ZBTB20: variants seen among roughly 807,000 people sequenced by gnomAD.
The protein encoded by ZBTB20 is zinc finger and BTB domain containing 20, also known as zinc finger and BTB domain-containing protein 20.
ZBTB20 carries 9 observed loss-of-function variants against 56.9 expected under a neutral mutation model. The ratio of observed to expected loss-of-function variants is 0.16; its 90% CI spans 0.10 to 0.28. The LOEUF (loss-of-function observed/expected upper bound fraction) is 0.28, where lower values mean the gene tolerates loss of function less well. Ranked by LOEUF, ZBTB20 falls within the 10% of genes least tolerant of loss-of-function variation. The probability of loss-of-function intolerance (pLI) is 1.00; values close to 1 mark genes in which losing one functional copy is unlikely to be tolerated. For missense variants in ZBTB20, 655 were observed against 1,003.0 expected (o/e 0.65, Z 4.69); for synonymous variants, 417 against 420.7 (o/e 0.99, Z 0.11).
intron 7 of ZBTB20, among the ~76,000 whole-genome samples, chr3:114,424,720 G>C (rs943284544): frequency 2.6e-5 from 4 of 152,062 alleles, no homozygotes; most frequent in South Asian, 2.1e-4. Context: ...TCAAGTTTAC[G>C]GTCTTTACTT....
intron 1 of ZBTB20, among the ~76,000 whole-genome samples, chr3:115,097,046 A>G (rs1189001361): frequency 6.6e-6 from 1 of 152,238 alleles, no homozygotes; most frequent in Non-Finnish European, 1.5e-5. Context: ...AAAATCCAAT[A>G]AATCACTATA....
intron 3 of ZBTB20, among the ~76,000 whole-genome samples, chr3:114,928,487 T>C (rs953816927): frequency 2.0e-5 from 3 of 152,256 alleles, no homozygotes; most frequent in African/African-American, 7.2e-5. Flanking sequence ...ATGGAAAGAT[T>C]CTTGTTTAAT....
At chr3:115,105,492 C>G (rs924211147) in intron 1 of ZBTB20, among the ~76,000 whole-genome samples, 1 of 152,148 alleles carries the variant, frequency 6.6e-6, no homozygotes, top group East Asian at 1.9e-4. Context: ...AGCCATGACT[C>G]TGTGGTTGTG....
intron 4 of ZBTB20, among the ~76,000 whole-genome samples, chr3:114,808,670 T>C (rs1326993494): frequency 6.6e-6 from 1 of 151,986 alleles, no homozygotes; most frequent in Non-Finnish European, 1.5e-5. Context: ...TCATTATCTA[T>C]TTCATTGATT....
chr3:114,461,673 T>C (rs2092337234), intron 7 of ZBTB20, among the ~76,000 whole-genome samples: 1 of 152,200 alleles, frequency 6.6e-6, no homozygotes, highest in South Asian at 2.1e-4. Flanking sequence ...GCTTACATTC[T>C]ATAGGATAGT....
At chr3:114,866,656 ACT>A (rs1282706065) in intron 4 of ZBTB20, among the ~76,000 whole-genome samples, 2 of 151,846 alleles carry the variant, frequency 1.3e-5, no homozygotes, top group African/African-American at 4.8e-5. Context: ...AAAAAGGCTG[ACT>A]CTCTCACAGG....
rs1211248757 is a variant in ZBTB20 at position 114,335,641 on chromosome 3, C to T, written c.*3364G>A. The stretch of plus-strand genomic sequence containing the variant: ...CTCCAATCCAGCTTCTTCCTCTTTC[C>T]ACAAAATAATTTGTCAACTATTTTA... On this transcript the variant is annotated 3_prime_UTR_variant, in exon 12 of 12. Transcript: ENST00000675478. The T allele has an allele frequency of 1.3e-5, 2 of 152,200 alleles. No individual in the cohort carries two copies. Among genetic ancestry groups the T allele is most frequent in the Non-Finnish European group, 2.9e-5 (2 of 68,036 alleles). 9.4% of individuals were successfully genotyped at this position (152,200 alleles called of 1,614,324 possible). A position where few individuals can be genotyped will look rare whatever the true frequency, so the allele number is the denominator to read the frequency against.
chr3:114,647,206 C>T (rs1034250791), intron 6 of ZBTB20, among the ~76,000 whole-genome samples: 6 of 152,138 alleles, frequency 3.9e-5, no homozygotes, highest in African/African-American at 1.4e-4. Flanking sequence ...AATCCACCCG[C>T]CTTGGCCTCC....
intron 2 of ZBTB20, chr3:115,027,339 AG>A (rs1166304506): frequency 6.6e-6 from 1 of 150,988 alleles, no homozygotes; most frequent in Non-Finnish European, 1.5e-5. Context: ...GTTATTGACA[AG>A]GCAAGTAAAG....
intron 1 of ZBTB20, among the ~76,000 whole-genome samples, chr3:115,106,739 G>A (rs924900255): frequency 6.6e-6 from 1 of 152,074 alleles, no homozygotes; most frequent in Middle Eastern, 3.2e-3. Context: ...ATTATGGCCA[G>A]AGGATTTTAT....
chr3:115,146,132 C>T (rs1053378939), intron 1 of ZBTB20, among the ~76,000 whole-genome samples: 1 of 152,200 alleles, frequency 6.6e-6, no homozygotes, highest in African/African-American at 2.4e-5. Context: ...CTTCCTGATT[C>T]ATTCAGATTT....
chr3:114,371,060 C>T (rs2082947595), intron 10 of ZBTB20, among the ~76,000 whole-genome samples: 1 of 152,292 alleles, frequency 6.6e-6, no homozygotes, highest in Admixed American at 6.5e-5. Flanking sequence ...TGCTCCTTCT[C>T]ACATCCAGGC....
At chr3:114,434,362 G>A (rs908550535) in intron 7 of ZBTB20, among the ~76,000 whole-genome samples, 2 of 152,086 alleles carry the variant, frequency 1.3e-5, no homozygotes, top group African/African-American at 2.4e-5. Context: ...GATGGAGTTC[G>A]GGAGAGGCAG....
intron 6 of ZBTB20, among the ~76,000 whole-genome samples, chr3:114,683,605 A>G (rs916237365): frequency 1.3e-5 from 2 of 152,162 alleles, no homozygotes; most frequent in African/African-American, 4.8e-5. Context: ...CTCCAGAGGT[A>G]GACATTATAA....
rs1452719097 is a variant in ZBTB20 at position 114,334,930 on chromosome 3, G to T, written c.*4075C>A. ...AGCTTGTTTCCCCCTGTGTAGAATT[G>T]TAACAGATCCATGTGTTCCAATTAT... On this transcript the variant is annotated 3_prime_UTR_variant, in exon 12 of 12. Transcript: ENST00000675478. 1 of 152,002 alleles carries T rather than the reference G, an allele frequency of 6.6e-6. No individual in the cohort carries two copies. Among genetic ancestry groups the T allele is most frequent in the African/African-American group, 2.4e-5 (1 of 41,362 alleles). 9.4% of individuals were successfully genotyped at this position (152,002 alleles called of 1,614,324 possible).
intron 5 of ZBTB20, among the ~76,000 whole-genome samples, chr3:114,712,654 GAAAAAA>G (rs139980086): frequency 3.8e-5 from 3 of 79,984 alleles, no homozygotes; most frequent in African/African-American, 1.4e-4. Flanking sequence ...ACTCCATCTC[GAAAAAA>G]AAAAAAAAAA....
chr3:114,617,187 A>C (rs2057999639), intron 6 of ZBTB20, among the ~76,000 whole-genome samples: 2 of 152,206 alleles, frequency 1.3e-5, no homozygotes, highest in Non-Finnish European at 2.9e-5. Context: ...AGATGAAGTT[A>C]AAACTTCTTT....
intron 4 of ZBTB20, among the ~76,000 whole-genome samples, chr3:114,858,741 G>A (rs182572034): frequency 6.6e-6 from 1 of 152,114 alleles, no homozygotes; most frequent in East Asian, 1.9e-4. Flanking sequence ...TATCACTTTG[G>A]ACATTAAAGT....
intron 6 of ZBTB20, among the ~76,000 whole-genome samples, chr3:114,627,900 G>A (rs1213202130): frequency 6.6e-6 from 1 of 152,146 alleles, no homozygotes; most frequent in African/African-American, 2.4e-5. Context: ...ATTTTCAGTA[G>A]AGGACGGCAG....
Sources: gnomAD v4.1 joint callset for allele counts (sites outside exome capture counted in the v4.1 genomes callset) on GRCh38, gnomAD v4.1.1 for gene constraint, MANE v1.5 for transcripts, NCBI Gene and HGNC (gene_info 2026-07-23, HGNC 2026-07-21) for gene names.